The following JMJD1C variants were observed in gnomAD, a reference collection of about 807,000 sequenced individuals.
JMJD1C encodes jumonji domain-containing protein 1C.
In JMJD1C, 31 loss-of-function variants were observed where a neutral mutation model predicts 245.3. That is an observed-to-expected ratio of 0.13 (90% CI 0.09 to 0.17). The LOEUF is 0.17. Among genes scored for constraint, JMJD1C ranks in the 10% least tolerant of loss-of-function variants. The pLI, the probability that JMJD1C is intolerant of heterozygous loss-of-function variation, is 1.00. For missense variants in JMJD1C, 2,691 were observed against 3,000.2 expected, an observed-to-expected ratio of 0.90 and a Z score of 2.41; for synonymous variants, 1,057 against 1,017.4, an observed-to-expected ratio of 1.04 and a Z score of -0.74.
At chr10:63,508,715 T>C (rs958141552) in intron 1 of JMJD1C, among the ~76,000 whole-genome samples, 3 of 152,232 alleles carry the variant, frequency 2.0e-5, no homozygotes, top group Non-Finnish European at 4.4e-5. Context: ...TTTATACCTA[T>C]AAATTTCATT....
chr10:63,179,231 G>A (rs1439853012), intron 22 of JMJD1C, among the ~76,000 whole-genome samples: 1 of 151,790 alleles, frequency 6.6e-6, no homozygotes, highest in Non-Finnish European at 1.5e-5. Flanking sequence ...CCAACATGAA[G>A]AAACCCCATC....
chr10:63,219,433 T>C lies in JMJD1C; in HGVS notation c.553+445A>G, dbSNP rs1014313812. Among the ~76,000 whole-genome samples the C allele has an allele frequency of 3.3e-5, 5 of 152,122 alleles. No individual in the cohort carries two copies. In the South Asian group the frequency reaches 8.3e-4, roughly 25 times the overall value. On this transcript the variant is annotated intron_variant, in intron 4 of 25. Coordinates refer to ENST00000399262, the MANE Select transcript of JMJD1C (RefSeq NM_032776.3). The stretch of plus-strand genomic sequence containing the variant: ...ACCCCACTGGTTTGAAGGTCACACG[T>C]TGTAACATACTAAACAAAGGAAACA...
chr10:63,465,022 C>T (rs889589160), intron 1 of JMJD1C, among the ~76,000 whole-genome samples: 3 of 152,250 alleles, frequency 2.0e-5, no homozygotes, highest in Admixed American at 6.5e-5. Flanking sequence ...TTCTCCCTCC[C>T]CTTCAGCAAC....
chr10:63,390,732 T>A (rs570384555), intron 1 of JMJD1C, among the ~76,000 whole-genome samples: 1 of 152,136 alleles, frequency 6.6e-6, no homozygotes, highest in African/African-American at 2.4e-5. Context: ...GTTCAACATA[T>A]GTAAATCGAC....
chr10:63,431,731 CG>C (rs1564913477), intron 1 of JMJD1C, among the ~76,000 whole-genome samples: 1 of 152,086 alleles, frequency 6.6e-6, no homozygotes, highest in African/African-American at 2.4e-5. Flanking sequence ...TACTCACTTG[CG>C]GCCGGGCGCA....
chr10:63,513,983 A>G (rs1406525985), intron 1 of JMJD1C, among the ~76,000 whole-genome samples: 1 of 152,154 alleles, frequency 6.6e-6, no homozygotes, highest in African/African-American at 2.4e-5. Flanking sequence ...ATGAACAGAC[A>G]CTTCTCAAAA....
chr10:63,389,442 TTC>T (rs1947879803), intron 1 of JMJD1C, among the ~76,000 whole-genome samples: 1 of 150,000 alleles, frequency 6.7e-6, no homozygotes, highest in Non-Finnish European at 1.5e-5. Flanking sequence ...AATTTTGTTT[TTC>T]TTTTTTTTTT....
chr10:63,476,943 C>G (rs1186222739), intron 1 of JMJD1C, among the ~76,000 whole-genome samples: 1 of 151,860 alleles, frequency 6.6e-6, no homozygotes, highest in Non-Finnish European at 1.5e-5. Flanking sequence ...GACATCACTA[C>G]AGATTCTACA....
intron 1 of JMJD1C, among the ~76,000 whole-genome samples, chr10:63,384,706 T>C (rs1349177081): frequency 6.6e-6 from 1 of 152,212 alleles, no homozygotes; most frequent in Admixed American, 6.5e-5. Context: ...CTAGGATTTA[T>C]GGAATGGTCA....
chr10:63,466,923 G>A (rs1953314460), upstream of JMJD1C, among the ~76,000 whole-genome samples: 1 of 151,968 alleles, frequency 6.6e-6, no homozygotes, highest in Non-Finnish European at 1.5e-5. Flanking sequence ...TGAGCAGTTC[G>A]ATTTCAGGCA....
intron 2 of JMJD1C, among the ~76,000 whole-genome samples, chr10:63,330,568 T>G (rs1942036102): frequency 6.6e-6 from 1 of 152,120 alleles, no homozygotes; most frequent in African/African-American, 2.4e-5. Flanking sequence ...ATATCTACAC[T>G]TTCTTCCTCT....
intron 1 of JMJD1C, among the ~76,000 whole-genome samples, chr10:63,434,184 A>G (rs1950935809): frequency 6.6e-6 from 1 of 152,208 alleles, no homozygotes; most frequent in African/African-American, 2.4e-5. Context: ...TTTAATAACA[A>G]AAAGCTAAAA....
intron 3 of JMJD1C, chr10:63,222,067 T>C: frequency 2.1e-6 from 1 of 480,744 alleles, no homozygotes; most frequent in Non-Finnish European, 3.8e-6. Flanking sequence ...TTTTCAGATA[T>C]CTCTGACAGC....
intron 1 of JMJD1C, among the ~76,000 whole-genome samples, chr10:63,445,788 A>C (rs1045968793): frequency 6.6e-6 from 1 of 152,018 alleles, no homozygotes; most frequent in African/African-American, 2.4e-5. Flanking sequence ...TTAAGAGGAA[A>C]ATCTAGGCAA....
chr10:63,404,071 C>T (rs1412289827), intron 1 of JMJD1C, among the ~76,000 whole-genome samples: 1 of 151,918 alleles, frequency 6.6e-6, no homozygotes, highest in East Asian at 1.9e-4. Context: ...GCTGAAATTG[C>T]ACCACTGCAC....
chr10:63,322,590 G>A (rs1163659252), intron 2 of JMJD1C, among the ~76,000 whole-genome samples: 2 of 152,014 alleles, frequency 1.3e-5, no homozygotes, highest in Non-Finnish European at 2.9e-5. Context: ...CGAAGAGGGA[G>A]AATCACAAGG....
chr10:63,204,548 T>G (rs1186833093), intron 10 of JMJD1C: 1 of 985,274 alleles, frequency 1.0e-6, no homozygotes, highest in African/African-American at 1.7e-5. Context: ...CCAAAGGAAA[T>G]GTCATATAAG....
chr10:63,327,044 C>T (rs1171089441), intron 2 of JMJD1C, among the ~76,000 whole-genome samples: 1 of 151,802 alleles, frequency 6.6e-6, no homozygotes, highest in South Asian at 2.1e-4. Flanking sequence ...AAAATTAGCC[C>T]GGTGTGGTGG....
chr10:63,448,036 T>C lies in JMJD1C; in HGVS notation c.168+17459A>G, dbSNP rs57088572. On this transcript the variant is annotated intron_variant, in intron 1 of 25. Transcript: ENST00000399262. ...AACCAAGGTTATTGCTTTTGTCCTATGTAAAAATAAAAAAAGACATTAACA... is the reference window on the plus strand; with the variant it reads ...AACCAAGGTTATTGCTTTTGTCCTACGTAAAAATAAAAAAAGACATTAACA... Among the ~76,000 whole-genome samples, 327 of 152,298 alleles carry C rather than the reference T, an allele frequency of 2.1e-3. 1 individual carries two copies. The highest frequency in any genetic ancestry group is 7.4e-3 in the African/African-American group (306 of 41,556).
Sources: allele counts gnomAD v4.1 joint callset (sites outside exome capture counted in the v4.1 genomes callset), GRCh38; gene constraint gnomAD v4.1.1; transcripts MANE v1.5; gene names NCBI Gene and HGNC (gene_info 2026-07-23, HGNC 2026-07-21).